PIAS4: variants seen among roughly 807,000 people sequenced by gnomAD.
PIAS4 encodes E3 SUMO-protein ligase PIAS4.
A neutral mutation model predicts 58.0 loss-of-function variants in PIAS4; 7 were observed. The observed-to-expected ratio is 0.12, with a 90% CI of 0.07 to 0.23. The LOEUF is 0.23. Among genes scored for constraint, PIAS4 ranks in the 10% least tolerant of loss-of-function variants. The pLI is 1.00. For synonymous variants in PIAS4, 364 were observed against 312.4 expected (o/e 1.17, Z -1.74); for missense variants, 550 against 709.5 (o/e 0.78, Z 2.55).
In PIAS4 at chr19:4,013,583, G is replaced by T. The variant is rs1047013123; in HGVS notation, c.454+234G>T. On this transcript the variant is annotated intron_variant, in intron 2 of 10. Coordinates refer to ENST00000262971, the MANE Select transcript of PIAS4 (RefSeq NM_015897.4). This position sits in a 1 kb window ranked among gnomAD's most constrained non-coding sequence, Gnocchi z 5.1. The stretch of plus-strand genomic sequence containing the variant: ...AATGGAGCCACTGGAAGCAGGGGGC[G>T]TCTGTTAGCTCTCAGGAACCTGTGA... Among the ~76,000 whole-genome samples the T allele has an allele frequency of 1.3e-5, 2 of 152,210 alleles. No individual in the cohort carries two copies. The highest frequency in any genetic ancestry group is 2.9e-5 in the Non-Finnish European group (2 of 68,036).
At position 4,037,597 on chromosome 19, in the gene PIAS4, C is replaced by G; in HGVS notation, c.1274-19C>G. ...TGGTTGCATCCTAAGTACCTGCACC[C>G]TGTCCCTGTTGCCCGTAGGCCCCTC... On this transcript the variant is annotated intron_variant, in intron 10 of 10. Coordinates refer to ENST00000262971, the MANE Select transcript of PIAS4 (RefSeq NM_015897.4). This position sits in a 1 kb window ranked among gnomAD's most constrained non-coding sequence, Gnocchi z 5.8. The G allele has an allele frequency of 1.2e-6, 2 of 1,608,580 alleles. No homozygotes were observed. Among genetic ancestry groups the G allele is most frequent in the African/African-American group, 2.7e-5 (2 of 75,056 alleles).
At chr19:4,016,749 A>C (rs1300345046) in intron 2 of PIAS4, among the ~76,000 whole-genome samples, 1 of 152,168 alleles carries the variant, frequency 6.6e-6, no homozygotes, top group Non-Finnish European at 1.5e-5. Context: ...GAGGGCAGTG[A>C]GGGCAGAGGC....
At chr19:4,033,696 A>G in intron 9 of PIAS4, 116 bp downstream of exon 9, 2 of 853,634 alleles carry the variant, frequency 2.3e-6, no homozygotes, top group Non-Finnish European at 3.6e-6. Context: ...GTGGGGGCAC[A>G]TGGTCCTGGA....
At chr19:4,016,430 A>ATGTGC (rs929080290) in intron 2 of PIAS4, among the ~76,000 whole-genome samples, 21 of 152,352 alleles carry the variant, frequency 1.4e-4, no homozygotes, top group African/African-American at 5.1e-4. Flanking sequence ...CCGGTCTGGC[A>ATGTGC]TGTGCTGTGC....
chr19:4,033,868 A>T (rs984530828), intron 9 of PIAS4, among the ~76,000 whole-genome samples: 4 of 152,196 alleles, frequency 2.6e-5, no homozygotes, highest in Non-Finnish European at 4.4e-5. Context: ...CCTGAGCTCC[A>T]GGAGTGTGGT....
chr19:4,018,334 C>A (rs1051735015), intron 2 of PIAS4: 1 of 152,208 alleles, frequency 6.6e-6, no homozygotes, highest in Admixed American at 6.5e-5. Context: ...TTTATAACCA[C>A]CCCCCATACT....
chr19:4,020,065 T>C (rs1251557863), intron 2 of PIAS4, among the ~76,000 whole-genome samples: 4 of 152,070 alleles, frequency 2.6e-5, no homozygotes, highest in South Asian at 2.1e-4. Context: ...CACAGGCGCC[T>C]GCCACCACGC....
intron 3 of PIAS4, 32 bp downstream of exon 3, chr19:4,024,152 A>ACCGC (rs760904911): frequency 2.0e-6 from 3 of 1,467,806 alleles, no homozygotes; most frequent in African/African-American, 2.8e-5. Flanking sequence ...CCAGCACCCC[A>ACCGC]CCGCCCGCCC....
intron 1 of PIAS4, among the ~76,000 whole-genome samples, chr19:4,008,488 C>G (rs959967448): frequency 6.6e-6 from 1 of 152,168 alleles, no homozygotes; most frequent in African/African-American, 2.4e-5. Context: ...CTCTCACACG[C>G]CGGAGTGGGC....
intron 3 of PIAS4, among the ~76,000 whole-genome samples, chr19:4,027,905 C>T (rs1206571676): frequency 1.3e-5 from 2 of 152,102 alleles, no homozygotes; most frequent in Non-Finnish European, 2.9e-5. Flanking sequence ...CCTGGCTGCC[C>T]TCTCTGGTTC....
chr19:4,013,375 C>T lies in PIAS4; in HGVS notation c.454+26C>T, dbSNP rs548270143. On this transcript the variant is annotated intron_variant, in intron 2 of 10. Coordinates refer to ENST00000262971, the MANE Select transcript of PIAS4 (RefSeq NM_015897.4). The surrounding 1 kb of genome is among the most constrained non-coding windows in gnomAD (Gnocchi z 5.1). ...GTGAGTGGTCACCCTGGGGAGGCTG[C>T]GACTGGAGGCTTCACCTAGGCCCCG... 212 of 1,584,640 alleles carry T rather than the reference C, an allele frequency of 1.3e-4. 3 individuals are homozygous for T. The Middle Eastern group carries it at 2.2e-3, about 17-fold the overall frequency.
chr19:4,011,776 G>T (rs1218674485), intron 1 of PIAS4, among the ~76,000 whole-genome samples: 192 of 15,962 alleles, frequency 0.012, 20 homozygotes, highest in Middle Eastern at 0.056. Context: ...GGAGGTGTGT[G>T]GGGTGTGGAG....
At chr19:4,032,667 C>T (rs892848465) in intron 7 of PIAS4, among the ~76,000 whole-genome samples, 1 of 152,210 alleles carries the variant, frequency 6.6e-6, no homozygotes, top group Admixed American at 6.5e-5. Flanking sequence ...CTTGCTGGCT[C>T]ACAGCCAGGA....
chr19:4,015,407 C>T (rs2040042278), intron 2 of PIAS4, among the ~76,000 whole-genome samples: 1 of 151,938 alleles, frequency 6.6e-6, no homozygotes, highest in Non-Finnish European at 1.5e-5. Context: ...AGAGCCTGCT[C>T]CCCTGTCTAC....
At chr19:4,017,853 T>C (rs930622202) in intron 2 of PIAS4, 1 of 152,196 alleles carries the variant, frequency 6.6e-6, no homozygotes, top group Non-Finnish European at 1.5e-5. Flanking sequence ...TTATGTACTT[T>C]TAGTAGAGAC....
intron 2 of PIAS4, among the ~76,000 whole-genome samples, chr19:4,021,394 G>T (rs2040107580): frequency 6.6e-6 from 1 of 151,948 alleles, no homozygotes; most frequent in Admixed American, 6.6e-5. Flanking sequence ...TGATCCACCT[G>T]CCTCGCCTCC....
At position 4,037,570 on chromosome 19, in the gene PIAS4, A is replaced by G; in HGVS notation, c.1274-46A>G. 3 of 1,607,510 alleles carry G rather than the reference A, an allele frequency of 1.9e-6. No individual in the cohort carries two copies. Among genetic ancestry groups the G allele is most frequent in the Non-Finnish European group, 2.5e-6 (3 of 1,179,730 alleles). ...GGCCGCCTCAGTTTCCCCATTTATC[A>G]GTGGTTGCATCCTAAGTACCTGCAC... On this transcript the variant is annotated intron_variant, in intron 10 of 10. Transcript: ENST00000262971. This position sits in a 1 kb window ranked among gnomAD's most constrained non-coding sequence, Gnocchi z 5.8.
intron 2 of PIAS4, among the ~76,000 whole-genome samples, chr19:4,017,032 C>G (rs946554210): frequency 1.3e-5 from 2 of 152,164 alleles, no homozygotes; most frequent in African/African-American, 4.8e-5. Context: ...TGCTGCCCGC[C>G]CAGGCCCACC....
Position 4,038,232 on chromosome 19 carries a change from C to T in PIAS4, c.*357C>T, listed in dbSNP as rs1015682169. 2.1e-5 allele frequency: 5 copies of T among 235,706 alleles called. No homozygotes were observed. Among genetic ancestry groups the T allele is most frequent in the Non-Finnish European group, 4.1e-5 (5 of 122,252 alleles). The allele number at this position is 235,706 out of a possible 1,614,324, so 14.6% of individuals were successfully genotyped here. A position where few individuals can be genotyped will look rare whatever the true frequency, so the allele number is the denominator to read the frequency against. Reference sequence around the variant, plus strand: ...CCCGCGCCCTCCCCTCCGGATGCCCCGCCGCCCGCCGCCCTCTGCCCACGA... The same window carrying T: ...CCCGCGCCCTCCCCTCCGGATGCCCTGCCGCCCGCCGCCCTCTGCCCACGA... On this transcript the variant is annotated 3_prime_UTR_variant, in exon 11 of 11. Transcript: ENST00000262971. This position sits in a 1 kb window ranked among gnomAD's most constrained non-coding sequence, Gnocchi z 4.1.
Sources: allele counts gnomAD v4.1 joint callset (sites outside exome capture counted in the v4.1 genomes callset), GRCh38; gene constraint gnomAD v4.1.1; non-coding constraint Gnocchi (gnomAD v3.1); transcripts MANE v1.5; gene names NCBI Gene and HGNC (gene_info 2026-07-23, HGNC 2026-07-21).